Variants in UPF2 observed in about 807,000 individuals in gnomAD.
UPF2 encodes the protein regulator of nonsense transcripts 2.
A neutral mutation model predicts 141.4 loss-of-function variants in UPF2; 17 were observed. That is an observed-to-expected ratio of 0.12 (90% CI 0.08 to 0.18). The LOEUF (loss-of-function observed/expected upper bound fraction) is 0.18. UPF2 is among the 10% of genes least tolerant of loss of function. The probability of loss-of-function intolerance (pLI) is 1.00; values close to 1 mark genes in which losing one functional copy is unlikely to be tolerated. For synonymous variants in UPF2, 540 were observed against 498.0 expected (o/e 1.08, Z -1.12); for missense variants, 1,152 against 1,515.9 (o/e 0.76, Z 3.99).
rs1037429949 is a variant in UPF2 at position 11,940,907 on chromosome 10, A to G, written c.3378+1758T>C. Among the ~76,000 whole-genome samples, 4 of 151,868 alleles carry G rather than the reference A, an allele frequency of 2.6e-5. No individual in the cohort carries two copies. The highest frequency in any genetic ancestry group is 9.7e-5 in the African/African-American group (4 of 41,340). The stretch of plus-strand genomic sequence containing the variant: ...TTTTCTCCCTCAAGACATTTGACAC[A>G]TTGTTCCCATCTTCCCTTAAATTTT... On this transcript the variant is annotated intron_variant, in intron 18 of 21. Coordinates refer to ENST00000357604, the MANE Select transcript of UPF2 (RefSeq NM_015542.4). The surrounding 1 kb of genome is among the most constrained non-coding windows in gnomAD (Gnocchi z 4.2).
rs1407047633 is a variant in UPF2 at position 12,029,330 on chromosome 10, T to G, written c.560A>C (p.Asp187Ala). ...GCCATTAAAATCATGGGACAAGGAG[T>G]CTCTCTGTTGTTCTGTAATAGTTTT... is the stretch of plus-strand genomic sequence containing the variant. The part of the protein sequence containing the change: ...KLKTITEQQR[D>A]SLSHDFNGLN... Residue 187 changes from aspartate to alanine, a missense_variant, in exon 3 of 22, where the codon GAC becomes GCC. This residue lies in a region of UPF2 where 739 missense variants were observed against 1,032.2 expected (regional missense o/e 0.72). Coordinates refer to ENST00000357604, the MANE Select transcript of UPF2 (RefSeq NM_015542.4). 6.2e-7 allele frequency: 1 copy of G among 1,614,018 alleles called. No individual in the cohort carries two copies. The highest frequency in any genetic ancestry group is 8.5e-7 in the Non-Finnish European group (1 of 1,179,996).
At chr10:12,022,320 G>A (rs1834332167) in intron 3 of UPF2, among the ~76,000 whole-genome samples, 1 of 151,602 alleles carries the variant, frequency 6.6e-6, no homozygotes, top group African/African-American at 2.4e-5. Context: ...GCTGAGGCAG[G>A]AGAATTGCTT....
chr10:11,932,153 A>G (rs1053105935), intron 19 of UPF2, among the ~76,000 whole-genome samples: 1 of 121,174 alleles, frequency 8.3e-6, no homozygotes, highest in Non-Finnish European at 2.0e-5. Flanking sequence ...CAACTCAATT[A>G]AAAAAAAAAA....
chr10:11,974,413 T>C (rs868312817), intron 9 of UPF2, among the ~76,000 whole-genome samples: 1 of 152,186 alleles, frequency 6.6e-6, no homozygotes, highest in Non-Finnish European at 1.5e-5. Flanking sequence ...TCCAACACTA[T>C]GCTGAATAGG....
intron 10 of UPF2, among the ~76,000 whole-genome samples, chr10:11,966,544 C>G (rs1010303117): frequency 4.6e-5 from 7 of 152,150 alleles, no homozygotes; most frequent in African/African-American, 1.4e-4. Context: ...CCTCCCTCAG[C>G]CTCCCGAGTA....
At chr10:12,036,181 A>C (rs11814946) in intron 1 of UPF2, among the ~76,000 whole-genome samples, 334 of 152,324 alleles carry the variant, frequency 2.2e-3, no homozygotes, top group African/African-American at 7.7e-3. Context: ...CACCATTGAC[A>C]GTTTGGGCAA....
intron 1 of UPF2, among the ~76,000 whole-genome samples, chr10:12,037,409 T>C (rs1368897679): frequency 6.7e-6 from 1 of 149,600 alleles, no homozygotes; most frequent in Non-Finnish European, 1.5e-5. Flanking sequence ...TTTCTTTTTT[T>C]TTTTTTTTTT....
intron 4 of UPF2, among the ~76,000 whole-genome samples, chr10:12,012,818 T>C (rs1018749013): frequency 2.0e-5 from 3 of 149,040 alleles, no homozygotes; most frequent in Non-Finnish European, 4.5e-5. Context: ...AAAAAACATT[T>C]AAAAAGTTTG....
At chr10:11,938,912 T>A (rs1307365807) in intron 18 of UPF2, among the ~76,000 whole-genome samples, 1 of 121,810 alleles carries the variant, frequency 8.2e-6, no homozygotes, top group Non-Finnish European at 1.6e-5. Flanking sequence ...GTCCCCCCCA[T>A]GCAGAGAGAC....
chr10:11,936,741 A>G lies in UPF2; in HGVS notation c.3379-29T>C. ...AAAGAAATTAAAAAGGACATAATAA[A>G]CACTCCAAGATATATACGGATATAT... On this transcript the variant is annotated intron_variant, in intron 18 of 21. Transcript: ENST00000357604. The surrounding 1 kb of genome is among the most constrained non-coding windows in gnomAD (Gnocchi z 6.6). 6.3e-6 allele frequency: 10 copies of G among 1,586,608 alleles called. No homozygotes were observed. The highest frequency in any genetic ancestry group is 8.6e-6 in the Non-Finnish European group (10 of 1,166,650).
At chr10:11,957,618 G>GC (rs145958150) in intron 12 of UPF2, among the ~76,000 whole-genome samples, 1,695 of 152,012 alleles carry the variant, frequency 0.011, 36 homozygotes, top group African/African-American at 0.039. Context: ...CAGGGTTCAA[G>GC]CAATTCTCAT....
chr10:11,940,044 T>C lies in UPF2; in HGVS notation c.3378+2621A>G, dbSNP rs1334073954. On this transcript the variant is annotated intron_variant, in intron 18 of 21. Transcript: ENST00000357604. This position sits in a 1 kb window ranked among gnomAD's most constrained non-coding sequence, Gnocchi z 4.2. ...TTATGGAAAAATAATATCTCTAGGA[T>C]ACTGCATCCTCCTATGACATTCTCA... is the stretch of plus-strand genomic sequence containing the variant. Among the ~76,000 whole-genome samples the C allele has an allele frequency of 9.2e-5, 14 of 152,348 alleles. No individual in the cohort carries two copies. The South Asian group carries it at 2.3e-3, about 25-fold the overall frequency.
intron 21 of UPF2, among the ~76,000 whole-genome samples, chr10:11,925,705 C>G (rs1210562210): frequency 6.6e-6 from 1 of 152,190 alleles, no homozygotes; most frequent in African/African-American, 2.4e-5. Context: ...AGGCAGGACC[C>G]GAAGGAGCAG....
chr10:12,006,971 T>C (rs1671604445), intron 4 of UPF2, among the ~76,000 whole-genome samples: 1 of 152,062 alleles, frequency 6.6e-6, no homozygotes, highest in African/African-American at 2.4e-5. Context: ...TGAAGCAGAG[T>C]CCTCGCCAGA....
intron 8 of UPF2, among the ~76,000 whole-genome samples, chr10:11,996,812 T>C (rs576256149): frequency 5.9e-5 from 9 of 152,156 alleles, no homozygotes; most frequent in Non-Finnish European, 1.0e-4. Context: ...AAAAGGCAAG[T>C]AGTGATTTGG....
intron 2 of UPF2, among the ~76,000 whole-genome samples, chr10:12,034,044 A>G (rs4237420): frequency 0.84 from 128,021 of 152,216 alleles, 54,051 homozygotes; most frequent in Non-Finnish European, 0.88. Context: ...ATGAATAGTC[A>G]AAAGTTTTAA....
At chr10:12,007,561 TG>T (rs1340819271) in intron 4 of UPF2, among the ~76,000 whole-genome samples, 5 of 152,128 alleles carry the variant, frequency 3.3e-5, no homozygotes, top group African/African-American at 1.2e-4. Flanking sequence ...CCGGGCACAG[TG>T]GCTCACGCCT....
At position 11,936,577 on chromosome 10, in the gene UPF2, C is replaced by G; in HGVS notation, c.3514G>C (p.Val1172Leu). 1 of 1,608,602 alleles carries G rather than the reference C, an allele frequency of 6.2e-7. No individual in the cohort carries two copies. Among genetic ancestry groups the G allele is most frequent in the Non-Finnish European group, 8.5e-7 (1 of 1,178,162 alleles). The change falls in exon 19 of 22, where the codon GTC (valine) becomes CTC (leucine). Residue 1172 changes from valine to leucine, a missense_variant. This residue lies in a region of UPF2 where 202 missense variants were observed against 223.6 expected (regional missense o/e 0.90). Coordinates refer to ENST00000357604, the MANE Select transcript of UPF2 (RefSeq NM_015542.4). This position sits in a 1 kb window ranked among gnomAD's most constrained non-coding sequence, Gnocchi z 6.6. ...EAESADTMPF[V>L]MLTRKGNKQQ... ...TTATTGCCTTTTCTTGTTAACATGA[C>G]AAACGGCATTGTGTCTGCAGACTCA...
At chr10:12,012,283 C>T (rs531362795) in intron 4 of UPF2, among the ~76,000 whole-genome samples, 22 of 151,896 alleles carry the variant, frequency 1.4e-4, no homozygotes, top group Middle Eastern at 3.4e-3. Context: ...AAGCTGTTCT[C>T]GAACTCCTGA....
Sources: gnomAD v4.1 joint callset for allele counts (sites outside exome capture counted in the v4.1 genomes callset) on GRCh38, gnomAD v4.1.1 for gene constraint, gnomAD v4.1.1 regional missense constraint, Gnocchi (gnomAD v3.1) non-coding constraint, MANE v1.5 for transcripts, NCBI Gene and HGNC (gene_info 2026-07-23, HGNC 2026-07-21) for gene names.